The following ARHGAP15 variants were observed in gnomAD, a reference collection of about 807,000 sequenced individuals.
The protein encoded by ARHGAP15 is Rho GTPase activating protein 15, also known as rho GTPase-activating protein 15.
A neutral mutation model predicts 63.7 loss-of-function variants in ARHGAP15; 51 were observed. That is an observed-to-expected ratio of 0.80 (90% CI 0.64 to 1.01). The LOEUF (loss-of-function observed/expected upper bound fraction) is 1.01. Ranked by LOEUF, ARHGAP15 falls within the 50% of genes least tolerant of loss-of-function variation. ARHGAP15 has a pLI of 0.00. For missense variants in ARHGAP15, 560 were observed against 564.6 expected (o/e 0.99, Z 0.08); for synonymous variants, 191 against 193.8 (o/e 0.99, Z 0.12).
chr2:143,149,585 AT>A (rs1202546912), intron 1 of ARHGAP15, among the ~76,000 whole-genome samples: 1 of 152,002 alleles, frequency 6.6e-6, no homozygotes, highest in Admixed American at 6.6e-5. Flanking sequence ...GAAATATGAT[AT>A]TTTTAACCCT....
rs909351711 is a variant in ARHGAP15, at chr2:143,394,932, T to A, written c.475-40669T>A. Among the ~76,000 whole-genome samples the A allele has an allele frequency of 2.5e-4, 38 of 151,984 alleles. 1 individual carries two copies. The highest frequency in any genetic ancestry group is 1.5e-3 in the Admixed American group (23 of 15,234). Reference sequence around the variant, plus strand: ...CTGTATCATATTTTCAAGAAAAAAATTTGAAAGTGGTCGAAATTTACCATT... The same window carrying A: ...CTGTATCATATTTTCAAGAAAAAAAATTGAAAGTGGTCGAAATTTACCATT... On this transcript the variant is annotated intron_variant, in intron 6 of 13. Coordinates refer to ENST00000295095, the MANE Select transcript of ARHGAP15 (RefSeq NM_018460.4).
chr2:143,265,214 A>G (rs886803325), intron 6 of ARHGAP15, among the ~76,000 whole-genome samples: 1 of 141,710 alleles, frequency 7.1e-6, no homozygotes, highest in Admixed American at 7.1e-5. Context: ...AAAATTGTAT[A>G]TCTGTGATTT....
At chr2:143,732,778 A>G (rs980024734) in intron 13 of ARHGAP15, among the ~76,000 whole-genome samples, 1 of 152,126 alleles carries the variant, frequency 6.6e-6, no homozygotes, top group Non-Finnish European at 1.5e-5. Context: ...TTATCTTTAA[A>G]TACCCCATAA....
At position 143,184,852 on chromosome 2, in the gene ARHGAP15, C is replaced by CT. The variant is rs386391398; in HGVS notation, c.166-17271dup. 2.4e-3 allele frequency among the ~76,000 whole-genome samples: 348 copies of CT among 145,224 alleles called. 2 individuals carry two copies. Among genetic ancestry groups the CT allele is most frequent in the African/African-American group, 4.3e-3 (172 of 39,620 alleles). ...GATGCCCAGCTTTTTTTTCTTTTTT[C>CT]TTTTTTTTTTTGTAGAGACAAAGTC... On this transcript the variant is annotated intron_variant, in intron 2 of 13. Coordinates refer to ENST00000295095, the MANE Select transcript of ARHGAP15 (RefSeq NM_018460.4).
At chr2:143,148,440 G>C (rs544984245) in intron 1 of ARHGAP15, among the ~76,000 whole-genome samples, 2 of 152,170 alleles carry the variant, frequency 1.3e-5, no homozygotes, top group East Asian at 3.9e-4. Context: ...CAACAGGATG[G>C]AGTTTGAAAG....
intron 12 of ARHGAP15, among the ~76,000 whole-genome samples, chr2:143,677,496 G>C (rs1440910427): frequency 6.6e-6 from 1 of 152,088 alleles, no homozygotes; most frequent in Non-Finnish European, 1.5e-5. Context: ...AATTATATCT[G>C]TGTCATATCA....
intron 11 of ARHGAP15, among the ~76,000 whole-genome samples, chr2:143,558,221 C>T (rs1437233259): frequency 1.3e-5 from 2 of 152,142 alleles, no homozygotes; most frequent in Non-Finnish European, 2.9e-5. Context: ...CATTTACATA[C>T]TGTTGTGTTT....
chr2:143,264,914 T>G (rs1399975841), intron 6 of ARHGAP15, among the ~76,000 whole-genome samples: 1 of 152,154 alleles, frequency 6.6e-6, no homozygotes, highest in Non-Finnish European at 1.5e-5. Flanking sequence ...GTAGAGAACA[T>G]GCAGGTGGTG....
At chr2:143,240,066 C>T (rs189331314) in intron 5 of ARHGAP15, among the ~76,000 whole-genome samples, 283 of 143,022 alleles carry the variant, frequency 2.0e-3, no homozygotes, top group Middle Eastern at 8.1e-3. Context: ...AGTCCAGCTA[C>T]GTAGGAGGTC....
intron 13 of ARHGAP15, among the ~76,000 whole-genome samples, chr2:143,748,570 G>GT (rs1559159115): frequency 2.0e-5 from 3 of 152,176 alleles, no homozygotes; most frequent in Non-Finnish European, 2.9e-5. Context: ...TTTGCTGCGT[G>GT]TATTTGTTTC....
intron 8 of ARHGAP15, among the ~76,000 whole-genome samples, chr2:143,463,164 C>T (rs1172517304): frequency 6.6e-6 from 1 of 152,106 alleles, no homozygotes; most frequent in Non-Finnish European, 1.5e-5. Flanking sequence ...TCCAGTGTGG[C>T]CCAGGGAGCC....
intron 2 of ARHGAP15, among the ~76,000 whole-genome samples, chr2:143,163,986 G>A (rs752876566): frequency 1.3e-5 from 2 of 152,010 alleles, no homozygotes; most frequent in African/African-American, 4.8e-5. Flanking sequence ...TCCCTAAACG[G>A]TTGATTAGCC....
chr2:143,565,168 A>G (rs1030419882), intron 11 of ARHGAP15, among the ~76,000 whole-genome samples: 4 of 152,176 alleles, frequency 2.6e-5, no homozygotes, highest in South Asian at 2.1e-4. Context: ...CCAAAAATAT[A>G]TTGCCTGGTA....
chr2:143,207,135 A>T (rs1692361407), intron 3 of ARHGAP15, among the ~76,000 whole-genome samples: 1 of 151,928 alleles, frequency 6.6e-6, no homozygotes, highest in Admixed American at 6.6e-5. Context: ...GAACCATTAG[A>T]ATATTCAGAA....
chr2:143,502,884 G>C (rs952814333), intron 9 of ARHGAP15, among the ~76,000 whole-genome samples: 2 of 152,140 alleles, frequency 1.3e-5, no homozygotes, highest in African/African-American at 4.8e-5. Context: ...CCGCCCCTGT[G>C]TGTGGATTCT....
intron 10 of ARHGAP15, among the ~76,000 whole-genome samples, chr2:143,528,322 G>C (rs569643704): frequency 1.3e-5 from 2 of 152,178 alleles, no homozygotes; most frequent in Non-Finnish European, 2.9e-5. Flanking sequence ...GACTTGGAAT[G>C]CCATGTTAGT....
chr2:143,246,685 G>T (rs1417635399), intron 5 of ARHGAP15, among the ~76,000 whole-genome samples: 1 of 151,954 alleles, frequency 6.6e-6, no homozygotes, highest in South Asian at 2.1e-4. Context: ...GGAGGGGGTG[G>T]TTGAAGTGAC....
intron 13 of ARHGAP15, among the ~76,000 whole-genome samples, chr2:143,764,831 A>G (rs1488680035): frequency 6.6e-6 from 1 of 152,220 alleles, no homozygotes; most frequent in East Asian, 1.9e-4. Flanking sequence ...CAATGTTTAC[A>G]TCATCCTTTT....
intron 1 of ARHGAP15, among the ~76,000 whole-genome samples, chr2:143,151,894 G>A (rs941470279): frequency 3.3e-5 from 5 of 151,924 alleles, no homozygotes; most frequent in Admixed American, 6.6e-5. Flanking sequence ...CACAGGTACA[G>A]CAGTCACAGG....
Sources: gnomAD v4.1 joint callset for allele counts (sites outside exome capture counted in the v4.1 genomes callset) on GRCh38, gnomAD v4.1.1 for gene constraint, MANE v1.5 for transcripts, NCBI Gene and HGNC (gene_info 2026-07-23, HGNC 2026-07-21) for gene names.